VSIG1: variants seen among roughly 807,000 people sequenced by gnomAD.
VSIG1 encodes the protein V-set and immunoglobulin domain-containing protein 1.
A neutral mutation model predicts 20.1 loss-of-function variants in VSIG1; 11 were observed. That is an observed-to-expected ratio of 0.55 (90% confidence interval 0.34 to 0.91). VSIG1 has a LOEUF of 0.91. Among genes scored for constraint, VSIG1 ranks in the 40% least tolerant of loss-of-function variants. The pLI is 0.02. For synonymous variants in VSIG1, 126 were observed against 116.7 expected, an observed-to-expected ratio of 1.08 and a Z score of -0.52; for missense variants, 283 against 298.8, an observed-to-expected ratio of 0.95 and a Z score of 0.39.
intron 1 of VSIG1, among the ~76,000 whole-genome samples, chrX:108,047,803 TATATAC>T (rs1261873136): frequency 6.9e-5 from 5 of 72,720 alleles, no homozygotes; most frequent in African/African-American, 2.3e-4. Flanking sequence ...TATATATATA[TATATAC>T]ATATATATAT....
At chrX:108,042,012 A>T (rs2147911858), upstream of VSIG1, among the ~76,000 whole-genome samples, 1 of 111,888 alleles carries the variant, frequency 8.9e-6, no homozygotes, top group South Asian at 3.7e-4. Context: ...CAAAGATAAA[A>T]TGGAAAATTA....
chrX:108,058,306 A>G, intron 2 of VSIG1, 105 bp downstream of exon 2: 1 of 811,210 alleles, frequency 1.2e-6, no homozygotes, highest in Non-Finnish European at 1.7e-6. Flanking sequence ...CAGTGACAGT[A>G]GTGGCAGGAA....
rs773653129 is a variant in VSIG1, at chrX:108,045,128, A to T, written c.-3A>T. 1 of 1,189,011 alleles carries T rather than the reference A, an allele frequency of 8.4e-7. No individual in the cohort carries two copies. Among genetic ancestry groups the T allele is most frequent in the Non-Finnish European group, 1.1e-6 (1 of 882,771 alleles). On this transcript the variant is annotated 5_prime_UTR_variant, in exon 1 of 7. Coordinates refer to ENST00000217957, the MANE Select transcript of VSIG1 (RefSeq NM_182607.5). Reference sequence around the variant, plus strand: ...CCTGCTGCTCTCAACTAACCTCCACACAATGGTGTTCGCATTTTGGAAGGT... The same window carrying T: ...CCTGCTGCTCTCAACTAACCTCCACTCAATGGTGTTCGCATTTTGGAAGGT...
At chrX:108,040,079 A>T (rs2030455932), upstream of VSIG1, among the ~76,000 whole-genome samples, 1 of 111,761 alleles carries the variant, frequency 8.9e-6, no homozygotes, top group Non-Finnish European at 1.9e-5. Context: ...ACATAAAATT[A>T]AAAAGGAAAG....
chrX:108,065,353 C>T (rs2031106359), intron 2 of VSIG1, among the ~76,000 whole-genome samples: 1 of 111,600 alleles, frequency 9.0e-6, no homozygotes, highest in Non-Finnish European at 1.9e-5. Context: ...TTTTTAACCT[C>T]TCTGGGCTTT....
At chrX:108,059,034 T>G (rs2030969371) in intron 2 of VSIG1, among the ~76,000 whole-genome samples, 1 of 111,940 alleles carries the variant, frequency 8.9e-6, no homozygotes. Flanking sequence ...TGCCTACACA[T>G]ATCCCTTGAT....
intron 5 of VSIG1, chrX:108,073,801 T>A (rs912208168): frequency 8.8e-6 from 1 of 113,271 alleles, no homozygotes; most frequent in African/African-American, 3.3e-5. Context: ...TCACGGTAGC[T>A]ACTATTTGTG....
At chrX:108,023,295 T>C in the VSIG1 span, among the ~76,000 whole-genome samples, 1 of 112,089 alleles carries the variant, frequency 8.9e-6, no homozygotes, top group Non-Finnish European at 1.9e-5. Context: ...GAACTAACCT[T>C]GTATTCCTGG....
the VSIG1 span, among the ~76,000 whole-genome samples, chrX:108,035,903 G>A: frequency 3.7e-5 from 4 of 107,378 alleles, no homozygotes. Context: ...TCAAGTCTTG[G>A]TCTTCTACTT....
At chrX:108,046,857 G>A (rs1282342829) in intron 1 of VSIG1, among the ~76,000 whole-genome samples, 2 of 110,484 alleles carry the variant, frequency 1.8e-5, no homozygotes, top group Non-Finnish European at 3.8e-5. Flanking sequence ...ACTTCAGAGT[G>A]TGTTTCCTAA....
intron 3 of VSIG1, among the ~76,000 whole-genome samples, chrX:108,069,084 C>A (rs1163585749): frequency 8.9e-6 from 1 of 111,775 alleles, no homozygotes; most frequent in Non-Finnish European, 1.9e-5. Flanking sequence ...CAGAAACAAT[C>A]TAAAGAAGCC....
chrX:108,066,088 C>A (rs1350930859), intron 2 of VSIG1, among the ~76,000 whole-genome samples: 1 of 111,210 alleles, frequency 9.0e-6, no homozygotes, highest in Non-Finnish European at 1.9e-5. Flanking sequence ...CCATTATGAT[C>A]TAAGTATCTA....
chrX:108,042,859 A>G (rs1313377290), upstream of VSIG1, among the ~76,000 whole-genome samples: 1 of 112,149 alleles, frequency 8.9e-6, no homozygotes, highest in African/African-American at 3.2e-5. Flanking sequence ...GAGGAAAGTA[A>G]GCACTGTATT....
chrX:108,047,941 TATATATATATATACACACAC>T (rs2030667547), intron 1 of VSIG1, among the ~76,000 whole-genome samples: 1 of 26,432 alleles, frequency 3.8e-5, no homozygotes, highest in Admixed American at 5.1e-4. Flanking sequence ...TATACACATA[TATATATATATATACACACAC>T]ATATATATAT....
chrX:108,032,614 CAAAT>C, the VSIG1 span, among the ~76,000 whole-genome samples: 1 of 111,598 alleles, frequency 9.0e-6, no homozygotes, highest in Non-Finnish European at 1.9e-5. Flanking sequence ...GATACTTGAA[CAAAT>C]ATTTGAGGGA....
the VSIG1 span, among the ~76,000 whole-genome samples, chrX:108,023,849 G>A: frequency 8.9e-6 from 1 of 111,986 alleles, no homozygotes; most frequent in African/African-American, 3.2e-5. Context: ...GCAAGGCAAG[G>A]CAGGAGAAAC....
the VSIG1 span, among the ~76,000 whole-genome samples, chrX:108,020,779 G>A: frequency 9.0e-6 from 1 of 111,614 alleles, no homozygotes; most frequent in Non-Finnish European, 1.9e-5. Flanking sequence ...TACTCAATCA[G>A]GGTGCCACCA....
At chrX:108,072,647 G>C (rs373886663) in intron 3 of VSIG1, 30 bp from the exon 4 acceptor site, 3 of 1,190,384 alleles carry the variant, frequency 2.5e-6, no homozygotes, top group African/African-American at 3.5e-5. Flanking sequence ...TCATCCTAAA[G>C]AATTTTTATT....
chrX:108,025,541 C>T, the VSIG1 span, among the ~76,000 whole-genome samples: 1 of 112,013 alleles, frequency 8.9e-6, no homozygotes, highest in Non-Finnish European at 1.9e-5. Flanking sequence ...GTGATCTCAA[C>T]CACATACAAA....
Sources: allele counts gnomAD v4.1 joint callset (sites outside exome capture counted in the v4.1 genomes callset), GRCh38; gene constraint gnomAD v4.1.1; transcripts MANE v1.5; gene names NCBI Gene and HGNC (gene_info 2026-07-23, HGNC 2026-07-21).